Variants in SLIT3 observed in about 807,000 individuals in gnomAD.
The protein encoded by SLIT3 is slit homolog 3 protein.
SLIT3 carries 68 observed loss-of-function variants against 184.0 expected under a neutral mutation model. That is an observed-to-expected ratio of 0.37 (90% CI 0.30 to 0.45). The LOEUF (loss-of-function observed/expected upper bound fraction) is 0.45, where lower values mean the gene tolerates loss of function less well. Ranked by LOEUF, SLIT3 falls within the 20% of genes least tolerant of loss-of-function variation. The pLI is 1.00. For missense variants in SLIT3, 1,707 were observed against 2,026.0 expected, an observed-to-expected ratio of 0.84 and a Z score of 3.02; for synonymous variants, 831 against 828.6, an observed-to-expected ratio of 1.00 and a Z score of -0.05.
intron 4 of SLIT3, among the ~76,000 whole-genome samples, chr5:168,892,930 C>A (rs566455838): frequency 2.0e-5 from 3 of 152,296 alleles, no homozygotes; most frequent in Admixed American, 6.5e-5. Context: ...CCCAATTATG[C>A]CCTCTGTTCT....
chr5:168,868,490 C>T (rs917029160), intron 5 of SLIT3, among the ~76,000 whole-genome samples: 1 of 152,076 alleles, frequency 6.6e-6, no homozygotes. Context: ...CGGCTCACGC[C>T]TGTAATTTCA....
At chr5:169,017,538 A>T (rs1666683653) in intron 4 of SLIT3, among the ~76,000 whole-genome samples, 2 of 152,230 alleles carry the variant, frequency 1.3e-5, no homozygotes, top group South Asian at 4.1e-4. Context: ...CATAACACTT[A>T]GGCAAGGCCT....
At chr5:169,267,783 T>C (rs1398904413) in intron 1 of SLIT3, among the ~76,000 whole-genome samples, 1 of 152,212 alleles carries the variant, frequency 6.6e-6, no homozygotes, top group Non-Finnish European at 1.5e-5. Flanking sequence ...GCCCACCATG[T>C]CTTTGTTCTT....
intron 4 of SLIT3, among the ~76,000 whole-genome samples, chr5:169,047,253 C>A (rs184936078): frequency 6.6e-6 from 1 of 152,276 alleles, no homozygotes; most frequent in East Asian, 1.9e-4. Context: ...TCCTGGTGAA[C>A]AATGTCCCTC....
At chr5:168,714,905 T>G (rs1435356122) in intron 23 of SLIT3, among the ~76,000 whole-genome samples, 1 of 152,206 alleles carries the variant, frequency 6.6e-6, no homozygotes, top group Non-Finnish European at 1.5e-5. Context: ...CTTAAGAATT[T>G]CAGAATGCAG....
At position 168,838,542 on chromosome 5, in the gene SLIT3, C is replaced by G. The variant is rs192817698; in HGVS notation, c.557+6042G>C. ...ATTATTATTCGTTAATCCTCTGGCT[C>G]TGCATCCAGAGGAAGCTCAGCTGAA... On this transcript the variant is annotated intron_variant, in intron 6 of 35. Transcript: ENST00000519560. 7.2e-4 allele frequency among the ~76,000 whole-genome samples: 109 copies of G among 152,284 alleles called. 3 individuals are homozygous for G. Among genetic ancestry groups the G allele is most frequent in the Non-Finnish European group, 8.4e-4 (57 of 68,026 alleles).
intron 12 of SLIT3, among the ~76,000 whole-genome samples, chr5:168,777,514 T>C (rs186630874): frequency 1.3e-5 from 2 of 152,354 alleles, no homozygotes; most frequent in East Asian, 1.9e-4. Flanking sequence ...CTCATCCAGA[T>C]GCTCCTTTGT....
At chr5:168,781,464 C>G (rs1227765470) in intron 12 of SLIT3, among the ~76,000 whole-genome samples, 1 of 152,138 alleles carries the variant, frequency 6.6e-6, no homozygotes, top group Non-Finnish European at 1.5e-5. Flanking sequence ...TCCAGGTACA[C>G]AAGAGAGGGA....
chr5:168,735,990 G>T (rs1233438028), intron 20 of SLIT3, among the ~76,000 whole-genome samples: 3 of 152,064 alleles, frequency 2.0e-5, no homozygotes, highest in African/African-American at 7.2e-5. Context: ...TCCACCTTGA[G>T]GTCTTCATAA....
chr5:168,808,247 T>C (rs1757043743), intron 8 of SLIT3, among the ~76,000 whole-genome samples: 1 of 152,062 alleles, frequency 6.6e-6, no homozygotes, highest in South Asian at 2.1e-4. Flanking sequence ...CTGGCCTTGT[T>C]CCAAACTGGG....
At chr5:168,929,608 G>A (rs774473500) in intron 4 of SLIT3, among the ~76,000 whole-genome samples, 19 of 152,304 alleles carry the variant, frequency 1.2e-4, no homozygotes, top group Admixed American at 2.6e-4. Flanking sequence ...GAGACTTCTT[G>A]GAATTAAAAC....
chr5:168,909,939 C>T (rs1436861816), intron 4 of SLIT3, among the ~76,000 whole-genome samples: 1 of 152,230 alleles, frequency 6.6e-6, no homozygotes, highest in Non-Finnish European at 1.5e-5. Context: ...AAGAAGCCCA[C>T]CTTCCTTTTT....
At chr5:168,672,382 TGG>T (rs1309023382) in intron 33 of SLIT3, among the ~76,000 whole-genome samples, 1 of 152,238 alleles carries the variant, frequency 6.6e-6, no homozygotes, top group Non-Finnish European at 1.5e-5. Flanking sequence ...CGAGCAGTTT[TGG>T]TAGCTTTTTT....
intron 1 of SLIT3, among the ~76,000 whole-genome samples, chr5:169,299,401 C>T (rs1401837734): frequency 1.3e-5 from 2 of 152,114 alleles, no homozygotes; most frequent in African/African-American, 2.4e-5. Context: ...TCTCTTCCAG[C>T]CTGAAGTCAA....
At chr5:169,152,643 A>G (rs1234400889) in intron 4 of SLIT3, among the ~76,000 whole-genome samples, 2 of 152,166 alleles carry the variant, frequency 1.3e-5, no homozygotes, top group East Asian at 3.8e-4. Context: ...CACATGGTGA[A>G]CGTCAAGATC....
chr5:169,236,224 C>A (rs1765192090), intron 3 of SLIT3, among the ~76,000 whole-genome samples: 1 of 152,056 alleles, frequency 6.6e-6, no homozygotes, highest in African/African-American at 2.4e-5. Context: ...ACTAAGAATT[C>A]TTTGTTTGCT....
chr5:169,244,407 T>C (rs1439831439), intron 3 of SLIT3, among the ~76,000 whole-genome samples: 1 of 152,152 alleles, frequency 6.6e-6, no homozygotes, highest in Non-Finnish European at 1.5e-5. Context: ...AGGTTTACAC[T>C]TGGGTAAAAA....
intron 6 of SLIT3, among the ~76,000 whole-genome samples, chr5:168,841,785 T>C (rs1469167530): frequency 6.6e-6 from 1 of 152,204 alleles, no homozygotes; most frequent in African/African-American, 2.4e-5. Context: ...ACACTTTCCT[T>C]AAGTTAATTT....
intron 32 of SLIT3, among the ~76,000 whole-genome samples, chr5:168,681,829 C>T (rs1430627636): frequency 6.6e-6 from 1 of 152,218 alleles, no homozygotes; most frequent in Admixed American, 6.5e-5. Context: ...CTGGCTTTCA[C>T]CTTCTGTCCT....
Sources: allele counts gnomAD v4.1 joint callset (sites outside exome capture counted in the v4.1 genomes callset), GRCh38; gene constraint gnomAD v4.1.1; transcripts MANE v1.5; gene names NCBI Gene and HGNC (gene_info 2026-07-23, HGNC 2026-07-21).